CELSR1: variants seen among roughly 807,000 people sequenced by gnomAD.
CELSR1 encodes the protein cadherin EGF LAG seven-pass G-type receptor 1, also known as adhesion G protein-coupled receptor C1.
Under a neutral mutation model 249.1 loss-of-function variants are expected in CELSR1, and 110 were observed. The ratio of observed to expected loss-of-function variants is 0.44; its 90% CI spans 0.38 to 0.52. The LOEUF (loss-of-function observed/expected upper bound fraction) is 0.52, where lower values mean the gene tolerates loss of function less well. CELSR1 is among the 20% of genes least tolerant of loss of function. The probability of loss-of-function intolerance (pLI) is 0.00; values close to 1 mark genes in which losing one functional copy is unlikely to be tolerated. For missense variants in CELSR1, 4,109 were observed against 4,296.4 expected (o/e 0.96, Z 1.22); for synonymous variants, 2,113 against 1,900.0 (o/e 1.11, Z -2.92).
chr22:46,481,581 G>A (rs901183362), intron 1 of CELSR1: 8 of 859,414 alleles, frequency 9.3e-6, no homozygotes, highest in African/African-American at 3.3e-5. Context: ...GGTGGCACTC[G>A]ATGCACTGGT....
At position 46,436,388 on chromosome 22, in the gene CELSR1, G is replaced by C; in HGVS notation, c.4407-99C>G. 1.3e-6 allele frequency: 1 copy of C among 764,586 alleles called. No homozygotes were observed. The highest frequency in any genetic ancestry group is 2.2e-6 in the Non-Finnish European group (1 of 449,108). The allele number at this position is 764,586 out of a possible 1,614,324, so 47.4% of individuals were successfully genotyped here. ...CAGCCGGAGGAGGGCAAGCACGTGG[G>C]GCTACGATTCAGGAAAGAATGGTGT... On this transcript the variant is annotated intron_variant, in intron 3 of 34. Coordinates refer to ENST00000674500, the MANE Select transcript of CELSR1 (RefSeq NM_001378328.1). The surrounding 1 kb of genome is among the most constrained non-coding windows in gnomAD (Gnocchi z 5.9).
chr22:46,391,179 G>A lies in CELSR1; in HGVS notation c.6250+7C>T, dbSNP rs568407957. 144 of 1,609,720 alleles carry A rather than the reference G, an allele frequency of 8.9e-5. 3 individuals carry two copies. The South Asian group carries it at 1.4e-3, about 16-fold the overall frequency. Reference sequence around the variant, plus strand: ...CAGTTCCCTACACACAGGCCACGGCGACTCACCAACGGATCCCTTAGGGCA... The same window carrying A: ...CAGTTCCCTACACACAGGCCACGGCAACTCACCAACGGATCCCTTAGGGCA... On this transcript the variant is annotated splice_region_variant and intron_variant, in intron 16 of 34. Transcript: ENST00000674500. The surrounding 1 kb of genome is among the most constrained non-coding windows in gnomAD (Gnocchi z 4.3).
chr22:46,439,167 G>A (rs375192800), intron 3 of CELSR1, 22 bp downstream of exon 3: 76 of 1,600,072 alleles, frequency 4.7e-5, no homozygotes, highest in Middle Eastern at 3.3e-4. Context: ...CCCCCGTGTG[G>A]CGCGGCGGGA....
At chr22:46,450,407 G>C (rs1345516503) in intron 2 of CELSR1, among the ~76,000 whole-genome samples, 2 of 152,264 alleles carry the variant, frequency 1.3e-5, no homozygotes, top group Non-Finnish European at 2.9e-5. Flanking sequence ...GGTATCCCCA[G>C]GTTCACATTT....
chr22:46,466,285 A>C (rs1602177197), intron 1 of CELSR1, among the ~76,000 whole-genome samples: 1 of 152,172 alleles, frequency 6.6e-6, no homozygotes, highest in Non-Finnish European at 1.5e-5. Flanking sequence ...GGGGGCCTCC[A>C]CTGCCCTGCC....
intron 1 of CELSR1, among the ~76,000 whole-genome samples, chr22:46,474,974 A>T (rs2080193439): frequency 6.6e-6 from 1 of 152,124 alleles, no homozygotes; most frequent in Non-Finnish European, 1.5e-5. Context: ...TGGGAAGCCC[A>T]TCAACAGGCA....
intron 5 of CELSR1, among the ~76,000 whole-genome samples, chr22:46,420,537 GCA>G (rs527452460): frequency 3.3e-4 from 51 of 152,284 alleles, no homozygotes; most frequent in Middle Eastern, 3.4e-3. Context: ...ACTTGCATGT[GCA>G]CACACAGATA....
intron 2 of CELSR1, among the ~76,000 whole-genome samples, chr22:46,453,637 G>T (rs1223496158): frequency 6.6e-6 from 1 of 152,190 alleles, no homozygotes; most frequent in African/African-American, 2.4e-5. Context: ...GAAAAGGCTT[G>T]AAAGTGCTGA....
At chr22:46,496,562 T>C (rs2080415779) in intron 1 of CELSR1, among the ~76,000 whole-genome samples, 1 of 152,216 alleles carries the variant, frequency 6.6e-6, no homozygotes, top group South Asian at 2.1e-4. Flanking sequence ...AGTAAAACTC[T>C]ATCTCAAAAA....
At position 46,382,007 on chromosome 22, in the gene CELSR1, C is replaced by T; in HGVS notation, c.6927G>A (p.Gln2309=). The T allele has an allele frequency of 6.4e-7, 1 of 1,561,338 alleles. No homozygotes were observed. The highest frequency in any genetic ancestry group is 2.4e-5 in the East Asian group (1 of 41,816). Reference sequence around the variant, plus strand: ...CGGTGCCAGGCCCCGGGCGCGTGGTCTGCGGGGTGGTCCTCCGGCCAGCCG... The same window carrying T: ...CGGTGCCAGGCCCCGGGCGCGTGGTTTGCGGGGTGGTCCTCCGGCCAGCCG... The part of the protein sequence containing the change: ...LRPAGRRTTP[Q]TTRPGPGTER... The change falls in exon 21 of 35, where the codon CAG becomes CAA. Residue 2309 remains glutamine (Q), a synonymous_variant. Transcript: ENST00000674500.
intron 1 of CELSR1, among the ~76,000 whole-genome samples, chr22:46,493,343 C>G (rs1462225671): frequency 6.6e-6 from 1 of 152,058 alleles, no homozygotes; most frequent in Non-Finnish European, 1.5e-5. Context: ...ATCAGGAGAT[C>G]AAGACCATCC....
intron 1 of CELSR1, among the ~76,000 whole-genome samples, chr22:46,511,675 G>A (rs1013619272): frequency 6.6e-6 from 1 of 152,194 alleles, no homozygotes; most frequent in East Asian, 1.9e-4. Flanking sequence ...CTCCCCTGGG[G>A]GCAGCGGGCA....
chr22:46,369,851 T>G (rs745831087), intron 25 of CELSR1, 47 bp from the exon 26 acceptor site: 1 of 1,541,656 alleles, frequency 6.5e-7, no homozygotes, highest in East Asian at 2.3e-5. Flanking sequence ...ACGTGCCCAG[T>G]GGCCACCCCA....
At chr22:46,370,258 G>A (rs923401658) in intron 25 of CELSR1, 5 of 410,570 alleles carry the variant, frequency 1.2e-5, no homozygotes, top group South Asian at 3.5e-5. Context: ...ATATGTGAGC[G>A]GGTGAGGAAC....
rs945732642 is a variant in CELSR1 at position 46,391,901 on chromosome 22, A to T, written c.5965-85T>A. ...AGCGTGTTTCCCGAGCGACGTCCAG[A>T]CTCCCACCCGGGTGTGTGTGTTGGC... On this transcript the variant is annotated intron_variant, in intron 14 of 34. Transcript: ENST00000674500. This position sits in a 1 kb window ranked among gnomAD's most constrained non-coding sequence, Gnocchi z 4.3. 16 of 1,407,386 alleles carry T rather than the reference A, an allele frequency of 1.1e-5. No individual in the cohort carries two copies. The highest frequency in any genetic ancestry group is 1.4e-5 in the Non-Finnish European group (15 of 1,040,512). 87.2% of individuals were successfully genotyped at this position (1,407,386 alleles called of 1,614,324 possible). A position where few individuals can be genotyped will look rare whatever the true frequency, so the allele number is the denominator to read the frequency against.
rs1309133346 is a variant in CELSR1, at chr22:46,409,736, G to T, written c.5059+19C>A. ...CCAGGCCGCCGTGACCGGGGGGATG[G>T]ACGACGCCGGCCACTCACCTTGCTC... is the stretch of plus-strand genomic sequence containing the variant. On this transcript the variant is annotated intron_variant, in intron 8 of 34. Transcript: ENST00000674500. This position sits in a 1 kb window ranked among gnomAD's most constrained non-coding sequence, Gnocchi z 9.8. 1 of 1,611,280 alleles carries T rather than the reference G, an allele frequency of 6.2e-7. No homozygotes were observed.
rs1357320682 is a variant in CELSR1, at chr22:46,434,907, G to A, written c.4522+1267C>T. On this transcript the variant is annotated intron_variant, in intron 4 of 34. Transcript: ENST00000674500. The surrounding 1 kb of genome is among the most constrained non-coding windows in gnomAD (Gnocchi z 4.9). ...AGCTACTGGAGAGGCTGAGGCATGA[G>A]AATCGCTTGAACCTGGGAGGTGGAG... Among the ~76,000 whole-genome samples the A allele has an allele frequency of 6.6e-6, 1 of 152,082 alleles. No individual in the cohort carries two copies. Among genetic ancestry groups the A allele is most frequent in the Admixed American group, 6.5e-5 (1 of 15,270 alleles).
rs569921348 is a variant in CELSR1 at position 46,399,649 on chromosome 22, G to C, written c.5412+68C>G. ...TCTGGTGGGTCCTGGCACGTCAAGG[G>C]GTCATTCTGTTTTTCCCTGGGCCGG... On this transcript the variant is annotated intron_variant, in intron 10 of 34. Transcript: ENST00000674500. This position sits in a 1 kb window ranked among gnomAD's most constrained non-coding sequence, Gnocchi z 5.0. 1 of 1,510,882 alleles carries C rather than the reference G, an allele frequency of 6.6e-7. No homozygotes were observed. Among genetic ancestry groups the C allele is most frequent in the Non-Finnish European group, 9.2e-7 (1 of 1,092,140 alleles). The allele number at this position is 1,510,882 out of a possible 1,614,324, so 93.6% of individuals were successfully genotyped here. A position where few individuals can be genotyped will look rare whatever the true frequency, so the allele number is the denominator to read the frequency against.
chr22:46,446,274 T>C lies in CELSR1; in HGVS notation c.4184-6863A>G, dbSNP rs2079819441. Among the ~76,000 whole-genome samples the C allele has an allele frequency of 6.6e-6, 1 of 152,204 alleles. No individual in the cohort carries two copies. The highest frequency in any genetic ancestry group is 2.4e-5 in the African/African-American group (1 of 41,446). The stretch of plus-strand genomic sequence containing the variant: ...TTAGTCTCTGCATGTGGCTTTCCAG[T>C]GCCTGGAGGCCACCCGCATCCCCTG... On this transcript the variant is annotated intron_variant, in intron 2 of 34. Coordinates refer to ENST00000674500, the MANE Select transcript of CELSR1 (RefSeq NM_001378328.1). The surrounding 1 kb of genome is among the most constrained non-coding windows in gnomAD (Gnocchi z 5.5).
Sources: allele counts gnomAD v4.1 joint callset (sites outside exome capture counted in the v4.1 genomes callset), GRCh38; gene constraint gnomAD v4.1.1; non-coding constraint Gnocchi (gnomAD v3.1); transcripts MANE v1.5; gene names NCBI Gene and HGNC (gene_info 2026-07-23, HGNC 2026-07-21).